CHD7: variants seen among roughly 807,000 people sequenced by gnomAD.
CHD7 encodes the protein chromodomain helicase DNA binding protein 7, also known as ATP-dependent chromatin remodeler CHD7.
A neutral mutation model predicts 307.3 loss-of-function variants in CHD7; 24 were observed. The observed-to-expected ratio is 0.08, with a 90% CI of 0.06 to 0.11. The LOEUF (loss-of-function observed/expected upper bound fraction) is 0.11, where lower values mean the gene tolerates loss of function less well. Ranked by LOEUF, CHD7 falls within the 10% of genes least tolerant of loss-of-function variation. The pLI is 1.00. For synonymous variants in CHD7, 1,363 were observed against 1,349.9 expected, an observed-to-expected ratio of 1.01 and a Z score of -0.21; for missense variants, 3,106 against 3,727.1, an observed-to-expected ratio of 0.83 and a Z score of 4.34.
intron 1 of CHD7, among the ~76,000 whole-genome samples, chr8:60,714,359 G>A (rs1807454869): frequency 1.4e-5 from 2 of 138,542 alleles, no homozygotes; most frequent in African/African-American, 5.4e-5. Flanking sequence ...CTTCCTGACC[G>A]GAAGGCCGAG....
chr8:60,742,972 T>C lies in CHD7; in HGVS notation c.1540T>C (p.Cys514Arg). The stretch of plus-strand genomic sequence containing the variant: ...GCCATCTTTTCAGCAGTTGCCAACC[T>C]GTCCTCCACTGCAGCCTCACCCGGG... The part of the protein sequence containing the change: ...QQPSFQQLPT[C>R]PPLQPHPGLH... The change falls in exon 2 of 38, where the codon TGT (cysteine) becomes CGT (arginine). Residue 514 changes from cysteine to arginine, a missense_variant. Around this residue, in one of 10 missense-constraint regions of CHD7, gnomAD observed 998 missense variants for 1,004.5 expected, o/e 0.99. Transcript: ENST00000423902. 1 of 1,613,730 alleles carries C rather than the reference T, an allele frequency of 6.2e-7. No individual in the cohort carries two copies. The highest frequency in any genetic ancestry group is 8.5e-7 in the Non-Finnish European group (1 of 1,179,748).
intron 3 of CHD7, among the ~76,000 whole-genome samples, chr8:60,791,240 A>G (rs1420010317): frequency 6.6e-6 from 1 of 152,218 alleles, no homozygotes; most frequent in African/African-American, 2.4e-5. Context: ...GAATGAGGGC[A>G]GACATGATTT....
At position 60,800,542 on chromosome 8, in the gene CHD7, T is replaced by C; in HGVS notation, c.2376+17T>C. On this transcript the variant is annotated intron_variant, in intron 5 of 37. Coordinates refer to ENST00000423902, the MANE Select transcript of CHD7 (RefSeq NM_017780.4). ...GAACAGCAGGTTAGTACCAGATCTG[T>C]GGGATTTATGGATGCATTTTAAAGA... 4 of 1,581,760 alleles carry C rather than the reference T, an allele frequency of 2.5e-6. No individual in the cohort carries two copies. The highest frequency in any genetic ancestry group is 2.6e-6 in the Non-Finnish European group (3 of 1,166,988).
intron 15 of CHD7, among the ~76,000 whole-genome samples, chr8:60,835,763 G>GT (rs1804714312): frequency 6.6e-6 from 1 of 152,152 alleles, no homozygotes; most frequent in African/African-American, 2.4e-5. Context: ...CCCTTGGCTT[G>GT]TTTCTGCCAC....
chr8:60,709,964 T>C (rs1252915278), intron 1 of CHD7, among the ~76,000 whole-genome samples: 1 of 152,202 alleles, frequency 6.6e-6, no homozygotes, highest in East Asian at 1.9e-4. Context: ...ATCATAAATA[T>C]GGGTTGCTGG....
chr8:60,730,153 AATTACTGATAGT>A (rs1454573693), intron 1 of CHD7, among the ~76,000 whole-genome samples: 1 of 152,256 alleles, frequency 6.6e-6, no homozygotes, highest in African/African-American at 2.4e-5. Context: ...CTTGTAAGTT[AATTACTGATAGT>A]ATTATAAAAG....
At chr8:60,788,770 A>T (rs1224215526) in intron 3 of CHD7, among the ~76,000 whole-genome samples, 1 of 152,204 alleles carries the variant, frequency 6.6e-6, no homozygotes, top group Non-Finnish European at 1.5e-5. Flanking sequence ...GGTACTGGAT[A>T]TCTTGGTGTG....
Position 60,852,813 on chromosome 8 carries a change from C to A in CHD7, c.6104-16C>A. ...TGAATTCTCCCCAAGTAAATATGAG[C>A]CCTTCTGTGTTACAGAACCGCCCGA... On this transcript the variant is annotated splice_polypyrimidine_tract_variant and intron_variant, in intron 30 of 37. Coordinates refer to ENST00000423902, the MANE Select transcript of CHD7 (RefSeq NM_017780.4). The A allele has an allele frequency of 1.2e-6, 2 of 1,610,158 alleles. No individual in the cohort carries two copies. Among genetic ancestry groups the A allele is most frequent in the South Asian group, 2.2e-5 (2 of 91,072 alleles).
chr8:60,854,450 A>G lies in CHD7; in HGVS notation c.6863A>G (p.Tyr2288Cys). 6.2e-7 allele frequency: 1 copy of G among 1,613,642 alleles called. No homozygotes were observed. The highest frequency in any genetic ancestry group is 8.5e-7 in the Non-Finnish European group (1 of 1,179,594). ...TARDETRDGF[Y>C]MEDGDPSVAQ... ...AGAGATGAAACCCGAGATGGATTCTACATGGAGGACGGAGATCCTTCAGTA... is the reference window on the plus strand; with the variant it reads ...AGAGATGAAACCCGAGATGGATTCTGCATGGAGGACGGAGATCCTTCAGTA... The change falls in exon 32 of 38, where the codon TAC (tyrosine) becomes TGC (cysteine). Residue 2288 changes from tyrosine (Y) to cysteine (C), a missense_variant. Transcript: ENST00000423902.
intron 2 of CHD7, among the ~76,000 whole-genome samples, chr8:60,752,943 T>A (rs1018878923): frequency 6.6e-6 from 1 of 152,202 alleles, no homozygotes; most frequent in African/African-American, 2.4e-5. Flanking sequence ...AATCTATAGA[T>A]AATATCTAAG....
Position 60,852,923 on chromosome 8 carries a change from G to C in CHD7, c.6198G>C (p.Glu2066Asp), listed in dbSNP as rs554056146. The C allele has an allele frequency of 6.2e-7, 1 of 1,614,004 alleles. No individual in the cohort carries two copies. The highest frequency in any genetic ancestry group is 2.2e-5 in the East Asian group (1 of 44,876). The change falls in exon 31 of 38, where the codon GAG (glutamate) becomes GAC (aspartate). Residue 2066 changes from glutamate to aspartate, a missense_variant. Transcript: ENST00000423902. ...TTGAGCTGCTACGGAAGATCCGCGA[G>C]CAGGTTCTCCATCACCCCCAGCTGG... is the stretch of plus-strand genomic sequence containing the variant. ...YRIELLRKIREQVLHHPQLGE... is the reference protein window; with the variant it reads ...YRIELLRKIRDQVLHHPQLGE...
chr8:60,844,507 C>A (rs940772363), intron 21 of CHD7, among the ~76,000 whole-genome samples: 1 of 152,122 alleles, frequency 6.6e-6, no homozygotes, highest in East Asian at 1.9e-4. Context: ...TGGTCAACAT[C>A]AAAATGTACT....
intron 6 of CHD7, among the ~76,000 whole-genome samples, chr8:60,807,178 C>G (rs374588275): frequency 2.0e-5 from 3 of 152,170 alleles, no homozygotes; most frequent in African/African-American, 7.2e-5. Context: ...CCAGTAGAAG[C>G]CTTTGCTCTT....
In CHD7 at chr8:60,714,406, G is replaced by GCCCCCCCCCCCCCC. The variant is rs71245516; in HGVS notation, c.-174-26845_-174-26832dup. Among the ~76,000 whole-genome samples the GCCCCCCCCCCCCCC allele has an allele frequency of 1.1e-3, 20 of 17,626 alleles. 5 individuals are homozygous for GCCCCCCCCCCCCCC. Among genetic ancestry groups the GCCCCCCCCCCCCCC allele is most frequent in the Non-Finnish European group, 1.8e-3 (15 of 8,178 alleles). 11.6% of individuals were successfully genotyped at this position (17,626 alleles called of 152,430 possible). A position where few individuals can be genotyped will look rare whatever the true frequency, so the allele number is the denominator to read the frequency against. On this transcript the variant is annotated intron_variant, in intron 1 of 37. Transcript: ENST00000423902. ...CTGACAACATGGCGGCCGGGAGAAG[G>GCCCCCCCCCCCCCC]CCCCCCCCCCCCCCCCCCCCCGCCC...
At chr8:60,741,157 TGGG>T (rs1808979835) in intron 1 of CHD7, 99 bp from the exon 2 acceptor site, 1 of 457,526 alleles carries the variant, frequency 2.2e-6, no homozygotes, top group African/African-American at 1.9e-5. Context: ...GTATTGTTGA[TGGG>T]GACCAAATTC....
intron 1 of CHD7, among the ~76,000 whole-genome samples, chr8:60,680,633 T>A (rs1012526788): frequency 2.6e-5 from 4 of 152,196 alleles, no homozygotes; most frequent in Non-Finnish European, 5.9e-5. Context: ...AGAGTGCTCC[T>A]GCTATGGGTC....
At chr8:60,755,810 C>T (rs182881956) in intron 2 of CHD7, among the ~76,000 whole-genome samples, 1 of 152,132 alleles carries the variant, frequency 6.6e-6, no homozygotes, top group East Asian at 1.9e-4. Context: ...TAAATATAAC[C>T]GTGTACTGAA....
At position 60,849,044 on chromosome 8, in the gene CHD7, C is replaced by T. The variant is rs1440579884; in HGVS notation, c.5301-7C>T. 1.2e-6 allele frequency: 2 copies of T among 1,605,638 alleles called. No homozygotes were observed. The highest frequency in any genetic ancestry group is 2.7e-5 in the African/African-American group (2 of 74,694). ...TACTAATATTTCTTATAAATGTTGT[C>T]TTTCAGTGAAGCCGATGTGTGGATC... On this transcript the variant is annotated splice_polypyrimidine_tract_variant and splice_region_variant and intron_variant, in intron 24 of 37. Coordinates refer to ENST00000423902, the MANE Select transcript of CHD7 (RefSeq NM_017780.4).
intron 1 of CHD7, among the ~76,000 whole-genome samples, chr8:60,718,854 T>C (rs931952967): frequency 1.3e-5 from 2 of 152,242 alleles, no homozygotes; most frequent in Non-Finnish European, 2.9e-5. Context: ...GTAAGTGCCC[T>C]ATGCAAGTGT....
Sources: allele counts gnomAD v4.1 joint callset (sites outside exome capture counted in the v4.1 genomes callset), GRCh38; gene constraint gnomAD v4.1.1; regional missense constraint gnomAD v4.1.1; transcripts MANE v1.5; gene names NCBI Gene and HGNC (gene_info 2026-07-23, HGNC 2026-07-21).